Variants in SLC22A15 observed in about 807,000 individuals in gnomAD.
SLC22A15 encodes flipt 1.
In SLC22A15, 45 loss-of-function variants were observed where a neutral mutation model predicts 62.7. That is an observed-to-expected ratio of 0.72 (90% confidence interval 0.56 to 0.92). The LOEUF (loss-of-function observed/expected upper bound fraction) is 0.92, where lower values mean the gene tolerates loss of function less well. Ranked by LOEUF, SLC22A15 falls within the 40% of genes least tolerant of loss-of-function variation. The pLI, the probability that SLC22A15 is intolerant of heterozygous loss-of-function variation, is 0.00. For synonymous variants in SLC22A15, 264 were observed against 267.0 expected, an observed-to-expected ratio of 0.99 and a Z score of 0.11; for missense variants, 622 against 665.6, an observed-to-expected ratio of 0.93 and a Z score of 0.72.
chr1:116,019,219 G>C (rs1448877008), intron 2 of SLC22A15, among the ~76,000 whole-genome samples: 1 of 152,190 alleles, frequency 6.6e-6, no homozygotes, highest in Non-Finnish European at 1.5e-5. Flanking sequence ...ATGTCATATA[G>C]TGTATTAGGC....
chr1:116,062,930 A>T (rs762719851), intron 9 of SLC22A15, 48 bp downstream of exon 9: 1 of 1,602,242 alleles, frequency 6.2e-7, no homozygotes, highest in South Asian at 1.1e-5. Context: ...ACACTTTGTC[A>T]TCCATTCTTG....
In SLC22A15 at chr1:116,040,513, G is replaced by A. The variant is rs528982699; in HGVS notation, c.1171+3125G>A. 2.0e-5 allele frequency among the ~76,000 whole-genome samples: 3 copies of A among 152,316 alleles called. No individual in the cohort carries two copies. In the East Asian group the frequency reaches 5.8e-4, roughly 29 times the overall value. On this transcript the variant is annotated intron_variant, in intron 8 of 11. Coordinates refer to ENST00000369503, the MANE Select transcript of SLC22A15 (RefSeq NM_018420.3). ...CAGATTGGTCAAGCAACACGTCCAAGGTTGCATAGCAAGTAAGTAGCACAT... is the reference window on the plus strand; with the variant it reads ...CAGATTGGTCAAGCAACACGTCCAAAGTTGCATAGCAAGTAAGTAGCACAT...
chr1:116,007,111 C>G (rs1656021470), intron 2 of SLC22A15, among the ~76,000 whole-genome samples: 1 of 152,124 alleles, frequency 6.6e-6, no homozygotes, highest in Non-Finnish European at 1.5e-5. Context: ...TTCCTCATCC[C>G]ACCAGGGTGT....
At chr1:116,045,605 G>A (rs1259035497) in intron 8 of SLC22A15, among the ~76,000 whole-genome samples, 1 of 151,490 alleles carries the variant, frequency 6.6e-6, no homozygotes, top group Non-Finnish European at 1.5e-5. Context: ...TGGGCGTGGT[G>A]GTGCACCTCT....
chr1:116,057,293 G>T (rs924992256), intron 8 of SLC22A15, among the ~76,000 whole-genome samples: 2 of 151,954 alleles, frequency 1.3e-5, no homozygotes, highest in Admixed American at 6.6e-5. Flanking sequence ...GTAGCCAACA[G>T]ACACATGAAA....
intron 2 of SLC22A15, among the ~76,000 whole-genome samples, chr1:116,008,317 G>A (rs1453453357): frequency 6.6e-6 from 1 of 152,050 alleles, no homozygotes; most frequent in East Asian, 1.9e-4. Context: ...ACAAGGAGTG[G>A]GTGGATACAA....
intron 2 of SLC22A15, among the ~76,000 whole-genome samples, chr1:116,004,180 A>G (rs1655866239): frequency 6.6e-6 from 1 of 152,218 alleles, no homozygotes; most frequent in South Asian, 2.1e-4. Context: ...CTTTGGCTGC[A>G]GCACCCAATA....
rs575746063 is a variant in SLC22A15 at position 115,997,022 on chromosome 1, G to A, written c.300+4779G>A. On this transcript the variant is annotated intron_variant, in intron 2 of 11. Coordinates refer to ENST00000369503, the MANE Select transcript of SLC22A15 (RefSeq NM_018420.3). ...AGCACTGTGCTGAATAAAATGGTAA[G>A]AGTGGACATCCTTGCCTTGATTCTG... 5.3e-5 allele frequency among the ~76,000 whole-genome samples: 8 copies of A among 152,098 alleles called. No homozygotes were observed. In the East Asian group the frequency reaches 1.5e-3, roughly 29 times the overall value.
intron 7 of SLC22A15, 121 bp downstream of exon 7, chr1:116,035,448 C>T: frequency 1.3e-6 from 1 of 762,694 alleles, no homozygotes; most frequent in Non-Finnish European, 1.9e-6. Context: ...GCTGATTGCT[C>T]TGTGGTGATT....
intron 2 of SLC22A15, among the ~76,000 whole-genome samples, chr1:115,992,815 G>A (rs545536506): frequency 1.3e-5 from 2 of 151,632 alleles, no homozygotes; most frequent in African/African-American, 4.8e-5. Context: ...TAATAGAGAC[G>A]GGATTTCACC....
At position 116,067,126 on chromosome 1, in the gene SLC22A15, C is replaced by A; in HGVS notation, c.*18C>A. Reference sequence around the variant, plus strand: ...TCAAGTGAAGAGCCCCAGATTCCCCCTAAGAAGCAAAGGATCGTCTTTTAT... The same window carrying A: ...TCAAGTGAAGAGCCCCAGATTCCCCATAAGAAGCAAAGGATCGTCTTTTAT... On this transcript the variant is annotated 3_prime_UTR_variant, in exon 12 of 12. Coordinates refer to ENST00000369503, the MANE Select transcript of SLC22A15 (RefSeq NM_018420.3). The A allele has an allele frequency of 1.3e-6, 2 of 1,596,310 alleles. No homozygotes were observed. Among genetic ancestry groups the A allele is most frequent in the Admixed American group, 1.7e-5 (1 of 58,432 alleles).
chr1:116,035,319 C>T lies in SLC22A15; in HGVS notation c.1077C>T (p.Asn359=). The T allele has an allele frequency of 1.2e-6, 2 of 1,610,530 alleles. No individual in the cohort carries two copies. The highest frequency in any genetic ancestry group is 1.7e-4 in the Middle Eastern group (1 of 6,034). The stretch of plus-strand genomic sequence containing the variant: ...ACCCTCTCTGTATCTACTTGATTAA[C>T]CAAAAATGGTGAGTAAGTGTGGATG... ...PSYPLCIYLI[N]QKWFGRKRTL... Residue 359 remains asparagine (N), a synonymous_variant, in exon 7 of 12, where the codon AAC becomes AAT. Transcript: ENST00000369503.
At chr1:116,060,030 T>G (rs1658338654) in intron 8 of SLC22A15, among the ~76,000 whole-genome samples, 1 of 152,226 alleles carries the variant, frequency 6.6e-6, no homozygotes, top group South Asian at 2.1e-4. Context: ...CGCTCTTTTT[T>G]CTCGACCATC....
chr1:116,053,778 C>A (rs1304007715), intron 8 of SLC22A15, among the ~76,000 whole-genome samples: 1 of 151,920 alleles, frequency 6.6e-6, no homozygotes, highest in East Asian at 1.9e-4. Context: ...GAATTTTCAA[C>A]CCAGAATTTC....
chr1:116,027,001 C>T lies in SLC22A15; in HGVS notation c.707C>T (p.Thr236Met), dbSNP rs116549756. The T allele has an allele frequency of 2.1e-4, 333 of 1,613,680 alleles. No homozygotes were observed. The African/African-American group carries it at 3.8e-3, about 18-fold the overall frequency. ...GCCATTCTGGTTAACCTGCAGGGAACGGTGGTCTTTCTCTTATCTTTGTAA... is the reference window on the plus strand; with the variant it reads ...GCCATTCTGGTTAACCTGCAGGGAATGGTGGTCTTTCTCTTATCTTTGTAA... The part of the protein sequence containing the change: ...TLAILVNLQG[T>M]VVFLLSLFIP... The change falls in exon 5 of 12, where the codon ACG (threonine) becomes ATG (methionine). Residue 236 changes from threonine (T) to methionine (M), a missense_variant. Coordinates refer to ENST00000369503, the MANE Select transcript of SLC22A15 (RefSeq NM_018420.3).
intron 2 of SLC22A15, among the ~76,000 whole-genome samples, chr1:115,998,274 G>T (rs905307149): frequency 2.0e-5 from 3 of 152,030 alleles, no homozygotes; most frequent in Non-Finnish European, 4.4e-5. Flanking sequence ...TCTGGTTTTG[G>T]TGTCAGGGTA....
chr1:115,983,315 A>T (rs1204539211), intron 1 of SLC22A15, among the ~76,000 whole-genome samples: 1 of 152,174 alleles, frequency 6.6e-6, no homozygotes, highest in African/African-American at 2.4e-5. Flanking sequence ...AATATGACAA[A>T]CGCACATGTA....
intron 1 of SLC22A15, 44 bp downstream of exon 1, chr1:115,976,758 C>A (rs752145611): frequency 2.0e-6 from 3 of 1,481,842 alleles, no homozygotes; most frequent in Non-Finnish European, 1.8e-6. Flanking sequence ...TCTTCAGGGC[C>A]GCCCGGCGCA....
intron 2 of SLC22A15, among the ~76,000 whole-genome samples, chr1:116,006,564 C>A (rs1288982361): frequency 6.6e-6 from 1 of 152,094 alleles, no homozygotes; most frequent in Non-Finnish European, 1.5e-5. Flanking sequence ...TCTTTTCCTT[C>A]CTGTTACCTA....
Sources: allele counts gnomAD v4.1 joint callset (sites outside exome capture counted in the v4.1 genomes callset), GRCh38; gene constraint gnomAD v4.1.1; transcripts MANE v1.5; gene names NCBI Gene and HGNC (gene_info 2026-07-23, HGNC 2026-07-21).